Variants in SLC35F3 observed in about 807,000 individuals in gnomAD.
SLC35F3 encodes putative thiamine transporter SLC35F3.
A neutral mutation model predicts 49.9 loss-of-function variants in SLC35F3; 25 were observed. The observed-to-expected ratio is 0.50, with a 90% CI of 0.37 to 0.70. The LOEUF is 0.70. SLC35F3 is among the 30% of genes least tolerant of loss of function. The pLI is 0.00. For missense variants in SLC35F3, 525 were observed against 639.8 expected (o/e 0.82, Z 1.94); for synonymous variants, 275 against 265.4 (o/e 1.04, Z -0.35).
intron 2 of SLC35F3, among the ~76,000 whole-genome samples, chr1:234,181,338 G>GAAAAAAAAAAAAAAAGAAAGAAAA (rs1666553199): frequency 1.0e-5 from 1 of 97,310 alleles, no homozygotes; most frequent in Non-Finnish European, 2.1e-5. Context: ...TCTGTCTCAA[G>GAAAAAAAAAAAAAAAGAAAGAAAA]AAAAAAAAAA....
At position 234,231,527 on chromosome 1, in the gene SLC35F3, C is replaced by A; in HGVS notation, c.394C>A (p.Leu132Ile). The change falls in exon 3 of 8, where the codon CTC (leucine) becomes ATC (isoleucine). Residue 132 changes from leucine to isoleucine, a missense_variant. By Grantham distance (5) the Leu-to-Ile change is conservative. Transcript: ENST00000366618. The surrounding 1 kb of genome is among the most constrained non-coding windows in gnomAD (Gnocchi z 5.4). ...RRCWTCSRAQ[L>I]KKIFWGVAVV... ...CTGCTGGACGTGCTCCCGGGCGCAA[C>A]TCAAGAAGATCTTCTGGGGCGTGGC... The A allele has an allele frequency of 3.1e-6, 5 of 1,614,032 alleles. No homozygotes were observed. The highest frequency in any genetic ancestry group is 4.2e-6 in the Non-Finnish European group (5 of 1,179,964).
chr1:234,065,077 A>G (rs914939199), intron 2 of SLC35F3, among the ~76,000 whole-genome samples: 2 of 152,166 alleles, frequency 1.3e-5, no homozygotes, highest in Non-Finnish European at 2.9e-5. Context: ...TTTTTACTGT[A>G]TGCTTACAGT....
intron 2 of SLC35F3, among the ~76,000 whole-genome samples, chr1:233,959,774 A>C (rs917717695): frequency 6.6e-6 from 1 of 152,150 alleles, no homozygotes; most frequent in Non-Finnish European, 1.5e-5. Flanking sequence ...CAGAGTGGGG[A>C]TTAGATCCAC....
chr1:234,314,474 C>T (rs1657436435), intron 4 of SLC35F3, among the ~76,000 whole-genome samples: 1 of 152,214 alleles, frequency 6.6e-6, no homozygotes, highest in Admixed American at 6.5e-5. Context: ...TAAAAGGTAG[C>T]TCCAGGCCGG....
chr1:234,309,742 G>T (rs1397025833), intron 4 of SLC35F3, among the ~76,000 whole-genome samples: 1 of 152,222 alleles, frequency 6.6e-6, no homozygotes, highest in African/African-American at 2.4e-5. Context: ...GTGAGGATGT[G>T]CGTGAAACCC....
intron 3 of SLC35F3, among the ~76,000 whole-genome samples, chr1:234,269,957 C>G (rs74624924): frequency 2.1e-3 from 318 of 152,258 alleles, no homozygotes; most frequent in Non-Finnish European, 3.7e-3. Context: ...TCTTGTACAG[C>G]CTGCAAACCA....
chr1:234,028,652 AAC>A (rs1440738042), intron 2 of SLC35F3, among the ~76,000 whole-genome samples: 2 of 152,234 alleles, frequency 1.3e-5, no homozygotes, highest in Admixed American at 1.3e-4. Context: ...ACGGGAAAGA[AAC>A]ACAATACTAA....
At chr1:234,117,672 G>A (rs1464115804) in intron 2 of SLC35F3, among the ~76,000 whole-genome samples, 2 of 151,108 alleles carry the variant, frequency 1.3e-5, no homozygotes, top group African/African-American at 4.9e-5. Flanking sequence ...GGATCACGAG[G>A]TCAGGAGATA....
intron 2 of SLC35F3, among the ~76,000 whole-genome samples, chr1:234,056,627 T>A (rs1023268771): frequency 2.4e-4 from 37 of 152,218 alleles, no homozygotes; most frequent in African/African-American, 8.4e-4. Context: ...TATGTGGTCT[T>A]TTGTGAACAT....
At chr1:233,945,103 A>G (rs939776016) in intron 2 of SLC35F3, among the ~76,000 whole-genome samples, 4 of 151,964 alleles carry the variant, frequency 2.6e-5, no homozygotes, top group Non-Finnish European at 5.9e-5. Flanking sequence ...GAAAATCCAT[A>G]CAAGGAGAAG....
chr1:234,075,478 C>T (rs543558623), intron 2 of SLC35F3, among the ~76,000 whole-genome samples: 1 of 152,342 alleles, frequency 6.6e-6, no homozygotes, highest in African/African-American at 2.4e-5. Flanking sequence ...GGGCTAGGCA[C>T]ATTGTGCTGA....
intron 4 of SLC35F3, among the ~76,000 whole-genome samples, chr1:234,311,666 C>G (rs571708387): frequency 6.6e-6 from 1 of 152,194 alleles, no homozygotes; most frequent in African/African-American, 2.4e-5. Context: ...TTCCTGGCCA[C>G]GTATGGTATG....
chr1:233,988,666 C>A (rs1444619077), intron 2 of SLC35F3, among the ~76,000 whole-genome samples: 1 of 152,240 alleles, frequency 6.6e-6, no homozygotes, highest in Admixed American at 6.5e-5. Context: ...ATTTGTCCAT[C>A]TGTTGCTTAC....
intron 2 of SLC35F3, among the ~76,000 whole-genome samples, chr1:233,948,113 G>A (rs1662542794): frequency 6.6e-6 from 1 of 150,750 alleles, no homozygotes; most frequent in Admixed American, 6.6e-5. Flanking sequence ...ACCTCATGTG[G>A]GAACCAGGAT....
At chr1:234,151,284 C>T (rs1052329550) in intron 2 of SLC35F3, among the ~76,000 whole-genome samples, 4 of 151,234 alleles carry the variant, frequency 2.6e-5, no homozygotes, top group African/African-American at 4.9e-5. Flanking sequence ...AGAGGAAGCT[C>T]AGTGGAGCTA....
intron 2 of SLC35F3, among the ~76,000 whole-genome samples, chr1:233,955,765 G>GTTTT (rs551238786): frequency 1.8e-5 from 2 of 112,952 alleles, no homozygotes; most frequent in African/African-American, 3.5e-5. Flanking sequence ...CTCACGAACT[G>GTTTT]TTTTTTTTTT....
intron 2 of SLC35F3, among the ~76,000 whole-genome samples, chr1:233,964,612 G>A (rs1662866850): frequency 6.6e-6 from 1 of 152,248 alleles, no homozygotes; most frequent in South Asian, 2.1e-4. Context: ...GCGAAGGCAT[G>A]CGAGGAGCCA....
chr1:233,918,794 C>T lies in SLC35F3; in HGVS notation c.283+13036C>T, dbSNP rs35292875. On this transcript the variant is annotated intron_variant, in intron 2 of 7. Transcript: ENST00000366618. ...TCTCTCTCTTTCTCTCTCTCTCTCT[C>T]TCTTTCTCTCTCTCTCTCTCTCTAT... Among the ~76,000 whole-genome samples the T allele has an allele frequency of 9.9e-3, 640 of 64,568 alleles. 2 individuals are homozygous for T. Among genetic ancestry groups the T allele is most frequent in the Admixed American group, 0.06 (210 of 3,476 alleles). The allele number at this position is 64,568 out of a possible 152,430, so 42.4% of individuals were successfully genotyped here. A position where few individuals can be genotyped will look rare whatever the true frequency, so the allele number is the denominator to read the frequency against.
intron 3 of SLC35F3, among the ~76,000 whole-genome samples, chr1:234,258,169 G>A (rs1180362533): frequency 2.0e-5 from 3 of 152,184 alleles, no homozygotes; most frequent in African/African-American, 7.2e-5. Context: ...AGTTTGGTGG[G>A]CAAGGGTTTA....
Sources: allele counts gnomAD v4.1 joint callset (sites outside exome capture counted in the v4.1 genomes callset), GRCh38; gene constraint gnomAD v4.1.1; non-coding constraint Gnocchi (gnomAD v3.1); transcripts MANE v1.5; gene names NCBI Gene and HGNC (gene_info 2026-07-23, HGNC 2026-07-21).